SP140: variants seen among roughly 807,000 people sequenced by gnomAD.
SP140 encodes the protein nuclear body protein SP140.
A neutral mutation model predicts 125.0 loss-of-function variants in SP140; 81 were observed. That is an observed-to-expected ratio of 0.65 (90% CI 0.54 to 0.78). The LOEUF (loss-of-function observed/expected upper bound fraction) is 0.78. Ranked by LOEUF, SP140 falls within the 30% of genes least tolerant of loss-of-function variation. The probability of loss-of-function intolerance (pLI) is 0.00; values close to 1 mark genes in which losing one functional copy is unlikely to be tolerated. For synonymous variants in SP140, 312 were observed against 354.0 expected (o/e 0.88, Z 1.33); for missense variants, 858 against 1,037.0 (o/e 0.83, Z 2.37).
At chr2:230,267,419 T>A (rs757040800) in intron 12 of SP140, among the ~76,000 whole-genome samples, 6 of 152,202 alleles carry the variant, frequency 3.9e-5, no homozygotes, top group Admixed American at 6.5e-5. Context: ...TTTATAGAGG[T>A]TTTGTTGAAA....
At position 230,292,687 on chromosome 2, in the gene SP140, T is replaced by C; in HGVS notation, c.1867T>C (p.Phe623Leu). The C allele has an allele frequency of 1.2e-6, 2 of 1,614,144 alleles. No individual in the cohort carries two copies. The highest frequency in any genetic ancestry group is 1.7e-6 in the Non-Finnish European group (2 of 1,180,024). ...TATACAGACTGAGGATGGAAAATGG[T>C]TCACCCCCACGGAATTTGAAATCAA... The part of the protein sequence containing the change: ...KCIQTEDGKW[F>L]TPTEFEIKGG... The change falls in exon 20 of 27, where the codon TTC becomes CTC. Residue 623 changes from phenylalanine to leucine, a missense_variant. Phe to Leu is a conservative substitution (Grantham distance 22, BLOSUM62 0). Transcript: ENST00000392045.
At chr2:230,218,500 T>TA (rs1311727105) in intron 3 of SP140, among the ~76,000 whole-genome samples, 2 of 152,090 alleles carry the variant, frequency 1.3e-5, no homozygotes, top group African/African-American at 4.8e-5. Context: ...AGTGCAAAGA[T>TA]CAGTGCAAAG....
At chr2:230,286,819 G>A (rs1460597321) in intron 17 of SP140, among the ~76,000 whole-genome samples, 2 of 152,114 alleles carry the variant, frequency 1.3e-5, no homozygotes, top group Non-Finnish European at 2.9e-5. Context: ...TCATTTCCAA[G>A]CCATAGGTCC....
chr2:230,284,870 A>G (rs1337340032), intron 16 of SP140, among the ~76,000 whole-genome samples: 1 of 152,222 alleles, frequency 6.6e-6, no homozygotes, highest in East Asian at 1.9e-4. Context: ...AAAAAGACAT[A>G]AATATAGAAA....
At chr2:230,253,199 A>C (rs2050634903) in intron 10 of SP140, 117 bp from the exon 11 acceptor site, 4 of 715,974 alleles carry the variant, frequency 5.6e-6, no homozygotes, top group East Asian at 2.7e-5. Flanking sequence ...GAAAGAGGAG[A>C]TGTAACAAGA....
rs200025533 is a variant in SP140, at chr2:230,238,399, C to T, written c.406+18C>T. The stretch of plus-strand genomic sequence containing the variant: ...CCAGAATGGTAACTATAGCTCTCAA[C>T]AGCTTTGGGGGATTCAAGCCCATTT... On this transcript the variant is annotated intron_variant, in intron 3 of 26. Coordinates refer to ENST00000392045, the MANE Select transcript of SP140 (RefSeq NM_007237.5). The T allele has an allele frequency of 6.3e-7, 1 of 1,599,812 alleles. No individual in the cohort carries two copies. Among genetic ancestry groups the T allele is most frequent in the Non-Finnish European group, 8.5e-7 (1 of 1,175,104 alleles).
chr2:230,216,045 T>G (rs1186742953), intron 3 of SP140, among the ~76,000 whole-genome samples: 2 of 152,068 alleles, frequency 1.3e-5, no homozygotes, highest in Non-Finnish European at 2.9e-5. Flanking sequence ...AAAACCAAAA[T>G]TATATAAAAA....
Position 230,212,502 on chromosome 2 carries a change from G to A in SP140, c.-322-1152G>A, listed in dbSNP as rs1384294982. 3.2e-6 allele frequency: 4 copies of A among 1,262,554 alleles called. No individual in the cohort carries two copies. In the Admixed American group the frequency reaches 6.8e-5, roughly 21 times the overall value. 78.2% of individuals were successfully genotyped at this position (1,262,554 alleles called of 1,614,324 possible). A position where few individuals can be genotyped will look rare whatever the true frequency, so the allele number is the denominator to read the frequency against. On this transcript the variant is annotated intron_variant, in intron 1 of 4. Transcript: ENST00000456542. ...AGGGAGAAGAGTGAATGTTAAAAGTGCCTGGGGCAGATAGAGCATCAAGGC... is the reference window on the plus strand; with the variant it reads ...AGGGAGAAGAGTGAATGTTAAAAGTACCTGGGGCAGATAGAGCATCAAGGC...
chr2:230,192,525 C>A, the SP140 span, among the ~76,000 whole-genome samples: 1 of 150,800 alleles, frequency 6.6e-6, no homozygotes, highest in Non-Finnish European at 1.5e-5. Context: ...TGATGAACTA[C>A]CATTCACAAT....
At chr2:230,309,199 A>T (rs2059101909) in intron 22 of SP140, among the ~76,000 whole-genome samples, 1 of 152,204 alleles carries the variant, frequency 6.6e-6, no homozygotes, top group South Asian at 2.1e-4. Flanking sequence ...CCAGGAAATG[A>T]GGTGAGGGCC....
At chr2:230,221,840 G>C (rs118058239), upstream of SP140, 193 of 1,012,136 alleles carry the variant, frequency 1.9e-4, no homozygotes, top group East Asian at 3.9e-3. Context: ...TAAAGCAGGA[G>C]TGGGAAAATA....
rs752851773 is a variant in SP140, at chr2:230,310,010, C to T, written c.2145C>T (p.Asp715=). The change falls in exon 23 of 27, where the codon GAC becomes GAT. Residue 715 remains aspartate (D), a synonymous_variant. Transcript: ENST00000392045. ...CTTGTTCAAGAGTCTTCCATGAGGA[C>T]TGTCACATCCCGCCTGTGGAAGCTG... ...CDTCSRVFHE[D]CHIPPVEAER... 1 of 1,614,198 alleles carries T rather than the reference C, an allele frequency of 6.2e-7. No individual in the cohort carries two copies. The highest frequency in any genetic ancestry group is 8.5e-7 in the Non-Finnish European group (1 of 1,180,034).
chr2:230,310,478 C>T, intron 23 of SP140: 1 of 757,228 alleles, frequency 1.3e-6, no homozygotes, highest in Non-Finnish European at 2.1e-6. Flanking sequence ...TCCCTGTGCT[C>T]CCAGCAGCTC....
At chr2:230,277,453 A>G (rs2054888337) in intron 15 of SP140, among the ~76,000 whole-genome samples, 1 of 152,224 alleles carries the variant, frequency 6.6e-6, no homozygotes, top group Non-Finnish European at 1.5e-5. Context: ...CATAACTTTC[A>G]TATGCACTGG....
chr2:230,264,260 T>C (rs1274018336), intron 12 of SP140, among the ~76,000 whole-genome samples: 1 of 152,202 alleles, frequency 6.6e-6, no homozygotes, highest in Non-Finnish European at 1.5e-5. Context: ...TTTTCAATTC[T>C]ATTGCTGAGG....
At chr2:230,263,171 C>T (rs946087742) in intron 12 of SP140, among the ~76,000 whole-genome samples, 22 of 152,152 alleles carry the variant, frequency 1.4e-4, no homozygotes, top group African/African-American at 5.3e-4. Flanking sequence ...TTAGAATTGT[C>T]GTATTTTCCT....
At chr2:230,305,037 A>G (rs2058623843) in intron 22 of SP140, among the ~76,000 whole-genome samples, 1 of 152,260 alleles carries the variant, frequency 6.6e-6, no homozygotes, top group South Asian at 2.1e-4. Context: ...AGAATCTACA[A>G]GGAACTCAAA....
chr2:230,244,890 T>C, intron 5 of SP140, 98 bp from the exon 6 acceptor site: 2 of 823,624 alleles, frequency 2.4e-6, no homozygotes, highest in Non-Finnish European at 4.0e-6. Flanking sequence ...CAATAGTGTT[T>C]TTTTGCAAGG....
intron 12 of SP140, among the ~76,000 whole-genome samples, chr2:230,265,327 A>G (rs572288455): frequency 6.6e-6 from 1 of 152,192 alleles, no homozygotes; most frequent in African/African-American, 2.4e-5. Context: ...CCCCGCCCCA[A>G]CAGCCCCCAG....
Sources: gnomAD v4.1 joint callset for allele counts (sites outside exome capture counted in the v4.1 genomes callset) on GRCh38, gnomAD v4.1.1 for gene constraint, MANE v1.5 for transcripts, NCBI Gene and HGNC (gene_info 2026-07-23, HGNC 2026-07-21) for gene names.